The following VAV2 variants were observed in gnomAD, a reference collection of about 807,000 sequenced individuals.
VAV2 encodes vav guanine nucleotide exchange factor 2, also known as guanine nucleotide exchange factor VAV2.
VAV2 carries 67 observed loss-of-function variants against 132.5 expected under a neutral mutation model. That is an observed-to-expected ratio of 0.51 (90% CI 0.42 to 0.62). VAV2 has a LOEUF of 0.62. Ranked by LOEUF, VAV2 falls within the 20% of genes least tolerant of loss-of-function variation. The pLI is 0.00. For synonymous variants in VAV2, 492 were observed against 443.5 expected, an observed-to-expected ratio of 1.11 and a Z score of -1.37; for missense variants, 938 against 1,153.6, an observed-to-expected ratio of 0.81 and a Z score of 2.71.
intron 2 of VAV2, among the ~76,000 whole-genome samples, chr9:133,920,798 G>T (rs1342858657): frequency 1.3e-5 from 2 of 152,112 alleles, no homozygotes; most frequent in Non-Finnish European, 2.9e-5. Context: ...ACGACACGGG[G>T]CCGCACCTCC....
Position 133,763,773 on chromosome 9 carries a change from C to A in VAV2, c.*289G>T, listed in dbSNP as rs980651520. On this transcript the variant is annotated 3_prime_UTR_variant, in exon 30 of 30. Transcript: ENST00000371850. This position sits in a 1 kb window ranked among gnomAD's most constrained non-coding sequence, Gnocchi z 6.8. The stretch of plus-strand genomic sequence containing the variant: ...GATGGGCCTCTGGCCTCAGCCACTA[C>A]CCAGAGCCTGGCTCGCAGCGCTGTC... 3 of 456,928 alleles carry A rather than the reference C, an allele frequency of 6.6e-6. No homozygotes were observed. The highest frequency in any genetic ancestry group is 8.1e-6 in the Non-Finnish European group (2 of 247,120). The allele number at this position is 456,928 out of a possible 1,614,324, so 28.3% of individuals were successfully genotyped here.
At chr9:133,771,536 C>T (rs1833624927) in intron 26 of VAV2, among the ~76,000 whole-genome samples, 1 of 152,240 alleles carries the variant, frequency 6.6e-6, no homozygotes, top group Non-Finnish European at 1.5e-5. Context: ...TAACTGCATT[C>T]TGGCTGGGAC....
chr9:133,971,123 C>T (rs1842319079), intron 1 of VAV2, among the ~76,000 whole-genome samples: 1 of 152,222 alleles, frequency 6.6e-6, no homozygotes, highest in South Asian at 2.1e-4. Context: ...GGTTCCACTC[C>T]CACCATCGCT....
Position 133,768,768 on chromosome 9 carries a change from C to T in VAV2, c.2435-172G>A, listed in dbSNP as rs1833520169. On this transcript the variant is annotated intron_variant, in intron 28 of 29. Coordinates refer to ENST00000371850, the MANE Select transcript of VAV2 (RefSeq NM_001134398.2). This position sits in a 1 kb window ranked among gnomAD's most constrained non-coding sequence, Gnocchi z 5.3. ...CTGGAGGGACACACTGGCCTCCAAT[C>T]CCAGGGCCCCTTGCCCTCTGGGTCT... Among the ~76,000 whole-genome samples the T allele has an allele frequency of 6.6e-6, 1 of 152,050 alleles. No homozygotes were observed. Among genetic ancestry groups the T allele is most frequent in the Non-Finnish European group, 1.5e-5 (1 of 68,016 alleles).
At position 133,794,403 on chromosome 9, in the gene VAV2, T is replaced by C. The variant is rs1834624275; in HGVS notation, c.1101+1265A>G. On this transcript the variant is annotated intron_variant, in intron 12 of 29. Coordinates refer to ENST00000371850, the MANE Select transcript of VAV2 (RefSeq NM_001134398.2). The surrounding 1 kb of genome is among the most constrained non-coding windows in gnomAD (Gnocchi z 4.6). ...ACCACCTCCCGTGCCCACACACGAGTGCCCACAGGATTTGGAGTAAATTTC... is the reference window on the plus strand; with the variant it reads ...ACCACCTCCCGTGCCCACACACGAGCGCCCACAGGATTTGGAGTAAATTTC... Among the ~76,000 whole-genome samples the C allele has an allele frequency of 4.0e-5, 6 of 151,846 alleles. No homozygotes were observed. Among genetic ancestry groups the C allele is most frequent in the Admixed American group, 3.9e-4 (6 of 15,262 alleles).
At chr9:133,784,576 C>T (rs1448858422) in intron 17 of VAV2, among the ~76,000 whole-genome samples, 158 bp from the exon 18 acceptor site, 1 of 152,162 alleles carries the variant, frequency 6.6e-6, no homozygotes, top group Non-Finnish European at 1.5e-5. Context: ...ATGGGGCAGA[C>T]TCAGGGCCCA....
Position 133,935,779 on chromosome 9 carries a change from G to A in VAV2, c.321+3324C>T, listed in dbSNP as rs763211993. ...ACATCCAGGGAAGGAAGCAAGCACC[G>A]CCACAGAGACAGGGCTGGCGGGGCC... On this transcript the variant is annotated intron_variant, in intron 2 of 29. Coordinates refer to ENST00000371850, the MANE Select transcript of VAV2 (RefSeq NM_001134398.2). This position sits in a 1 kb window ranked among gnomAD's most constrained non-coding sequence, Gnocchi z 5.2. 7.9e-5 allele frequency among the ~76,000 whole-genome samples: 12 copies of A among 152,198 alleles called. No homozygotes were observed. The highest frequency in any genetic ancestry group is 1.3e-4 in the Non-Finnish European group (9 of 68,038).
At chr9:133,909,225 T>C (rs1169575496) in intron 2 of VAV2, among the ~76,000 whole-genome samples, 1 of 141,952 alleles carries the variant, frequency 7.0e-6, no homozygotes, top group African/African-American at 2.7e-5. Flanking sequence ...GAGGTTGGGC[T>C]GGGTGTTTTG....
chr9:133,916,207 C>T (rs1435530389), intron 2 of VAV2, among the ~76,000 whole-genome samples: 8 of 152,210 alleles, frequency 5.3e-5, no homozygotes, highest in African/African-American at 1.9e-4. Flanking sequence ...TCCTAGCCAG[C>T]GGGGTTATCC....
rs369858519 is a variant in VAV2 at position 133,783,500 on chromosome 9, C to T, written c.1723+3G>A. The stretch of plus-strand genomic sequence containing the variant: ...GGGGTGGGGGGGTGAGGGGGGTACT[C>T]ACTGAACTTGCAGGGAGGTATCACT... On this transcript the variant is annotated splice_donor_region_variant and intron_variant, in intron 19 of 29. Coordinates refer to ENST00000371850, the MANE Select transcript of VAV2 (RefSeq NM_001134398.2). 2.0e-5 allele frequency: 33 copies of T among 1,612,698 alleles called. No individual in the cohort carries two copies. Among genetic ancestry groups the T allele is most frequent in the Non-Finnish European group, 2.8e-5 (33 of 1,179,614 alleles).
chr9:133,799,231 C>G (rs991488319), intron 9 of VAV2, among the ~76,000 whole-genome samples: 2 of 152,190 alleles, frequency 1.3e-5, no homozygotes, highest in African/African-American at 2.4e-5. Flanking sequence ...CTGGCTCAGG[C>G]ACAGGGACGG....
At chr9:133,849,415 G>A (rs887253792) in intron 3 of VAV2, among the ~76,000 whole-genome samples, 3 of 152,236 alleles carry the variant, frequency 2.0e-5, no homozygotes, top group East Asian at 3.9e-4. Context: ...ATGCTGGTCC[G>A]GCCTCCAGGG....
chr9:133,792,357 G>A (rs1021084235), intron 12 of VAV2, among the ~76,000 whole-genome samples: 4 of 121,362 alleles, frequency 3.3e-5, no homozygotes, highest in African/African-American at 1.2e-4. Context: ...TGGGTGGGGT[G>A]CATGTGTGTG....
At chr9:133,800,540 G>A (rs1834890277) in intron 9 of VAV2, among the ~76,000 whole-genome samples, 1 of 152,206 alleles carries the variant, frequency 6.6e-6, no homozygotes, top group African/African-American at 2.4e-5. Context: ...TGCGGACTCG[G>A]CTTCAAGCAT....
In VAV2 at chr9:133,799,019, C is replaced by T. The variant is rs559392281; in HGVS notation, c.837-1210G>A. 5.3e-5 allele frequency among the ~76,000 whole-genome samples: 8 copies of T among 152,332 alleles called. No homozygotes were observed. In the East Asian group the frequency reaches 1.4e-3, roughly 26 times the overall value. On this transcript the variant is annotated intron_variant, in intron 9 of 29. Transcript: ENST00000371850. ...CTTTCCATCATGAGAGCTGCTTTGC[C>T]GTAGGGCACCCGGCCTGGGGCTCGG...
At chr9:133,950,032 G>A (rs1393695643) in intron 1 of VAV2, among the ~76,000 whole-genome samples, 2 of 152,164 alleles carry the variant, frequency 1.3e-5, no homozygotes, top group Non-Finnish European at 2.9e-5. Context: ...CAGTGCTGGG[G>A]CTCCCACCCG....
At chr9:133,777,290 T>C in intron 23 of VAV2, 99 bp downstream of exon 23, 1 of 1,268,058 alleles carries the variant, frequency 7.9e-7, no homozygotes, top group Non-Finnish European at 1.1e-6. Context: ...AGCAAGGATG[T>C]CCTGAACAAG....
At chr9:133,869,408 C>A (rs969683881) in intron 2 of VAV2, among the ~76,000 whole-genome samples, 1 of 151,970 alleles carries the variant, frequency 6.6e-6, no homozygotes, top group African/African-American at 2.4e-5. Context: ...GAGTCTGAGG[C>A]CAGCCTGAGC....
At chr9:133,981,673 G>A (rs1842697880) in intron 1 of VAV2, among the ~76,000 whole-genome samples, 1 of 152,236 alleles carries the variant, frequency 6.6e-6, no homozygotes, top group Non-Finnish European at 1.5e-5. Flanking sequence ...AGACAAGGAG[G>A]TTGAGCTCGA....
Sources: gnomAD v4.1 joint callset for allele counts (sites outside exome capture counted in the v4.1 genomes callset) on GRCh38, gnomAD v4.1.1 for gene constraint, Gnocchi (gnomAD v3.1) non-coding constraint, MANE v1.5 for transcripts, NCBI Gene and HGNC (gene_info 2026-07-23, HGNC 2026-07-21) for gene names.